Variants in YWHAE observed in about 807,000 individuals in gnomAD.
YWHAE encodes the protein tyrosine 3-monooxygenase/tryptophan 5-monooxygenase activation protein epsilon, also known as 14-3-3 protein epsilon.
In YWHAE, 4 loss-of-function variants were observed where a neutral mutation model predicts 30.1. The observed-to-expected ratio is 0.13, with a 90% CI of 0.07 to 0.30. The LOEUF (loss-of-function observed/expected upper bound fraction) is 0.30, where lower values mean the gene tolerates loss of function less well. Ranked by LOEUF, YWHAE falls within the 10% of genes least tolerant of loss-of-function variation. YWHAE has a pLI of 1.00. For missense variants in YWHAE, 121 were observed against 315.9 expected, an observed-to-expected ratio of 0.38 and a Z score of 4.68; for synonymous variants, 118 against 111.8, an observed-to-expected ratio of 1.06 and a Z score of -0.35.
chr17:1,372,981 G>A (rs1163350948), intron 1 of YWHAE, among the ~76,000 whole-genome samples: 2 of 151,782 alleles, frequency 1.3e-5, no homozygotes, highest in African/African-American at 4.8e-5. Context: ...GGTGGCTCAC[G>A]CAGTAATCCC....
intron 1 of YWHAE, among the ~76,000 whole-genome samples, chr17:1,368,071 T>G (rs969790050): frequency 6.6e-6 from 1 of 151,640 alleles, no homozygotes; most frequent in Non-Finnish European, 1.5e-5. Context: ...GCCAACATGG[T>G]GACACCCCGT....
intron 1 of YWHAE, among the ~76,000 whole-genome samples, chr17:1,368,432 C>T (rs62087939): frequency 0.048 from 7,319 of 151,710 alleles, 247 homozygotes; most frequent in Middle Eastern, 0.072. Flanking sequence ...GGCATGGTGG[C>T]AGGCATCTAT....
chr17:1,361,736 T>G (rs562264500), intron 3 of YWHAE, 166 bp downstream of exon 3: 3 of 538,420 alleles, frequency 5.6e-6, no homozygotes, highest in Non-Finnish European at 9.8e-6. Flanking sequence ...CAAAAGCTAA[T>G]ACATTTTCAT....
At chr17:1,388,608 T>C (rs2073343881) in intron 1 of YWHAE, among the ~76,000 whole-genome samples, 1 of 149,632 alleles carries the variant, frequency 6.7e-6, no homozygotes, top group Non-Finnish European at 1.5e-5. Context: ...AACGGAGTCT[T>C]GCAATGTTGC....
intron 5 of YWHAE, among the ~76,000 whole-genome samples, chr17:1,352,560 T>G (rs934699638): frequency 6.6e-6 from 1 of 151,840 alleles, no homozygotes; most frequent in African/African-American, 2.4e-5. Context: ...AGTCTTCCTC[T>G]GTAGCCCAGG....
intron 1 of YWHAE, among the ~76,000 whole-genome samples, chr17:1,390,981 TA>T (rs1172339266): frequency 6.6e-6 from 1 of 152,162 alleles, no homozygotes; most frequent in Non-Finnish European, 1.5e-5. Context: ...TTTATGTGGG[TA>T]TTTGGTATGA....
intron 5 of YWHAE, among the ~76,000 whole-genome samples, chr17:1,349,980 TTCTC>T (rs1178834377): frequency 1.3e-5 from 2 of 149,792 alleles, no homozygotes; most frequent in Non-Finnish European, 3.0e-5. Flanking sequence ...TGGACGAAGT[TTCTC>T]TCTTGTTGCC....
intron 1 of YWHAE, among the ~76,000 whole-genome samples, chr17:1,384,900 C>T (rs71360489): frequency 0.036 from 5,397 of 151,804 alleles, 114 homozygotes; most frequent in East Asian, 0.052. Flanking sequence ...TTAGTAGAGA[C>T]GGGTTTCTCC....
chr17:1,366,327 G>A (rs2072941276), intron 1 of YWHAE, among the ~76,000 whole-genome samples: 1 of 152,034 alleles, frequency 6.6e-6, no homozygotes, highest in African/African-American at 2.4e-5. Flanking sequence ...ATCATTTGAG[G>A]TCACGAATTC....
At chr17:1,387,924 C>CTTTT (rs35930155) in intron 1 of YWHAE, among the ~76,000 whole-genome samples, 806 of 75,694 alleles carry the variant, frequency 0.011, 45 homozygotes, top group Non-Finnish European at 0.014. Flanking sequence ...CTGCACCTGG[C>CTTTT]TTTTTTTTTT....
chr17:1,368,543 G>A (rs34695979), intron 1 of YWHAE, among the ~76,000 whole-genome samples: 13,887 of 139,756 alleles, frequency 0.099, 891 homozygotes, highest in Non-Finnish European at 0.14. Context: ...CAGCCTAGGC[G>A]ACAGAGTGAG....
intron 1 of YWHAE, 52 bp downstream of exon 1, chr17:1,399,995 G>T: frequency 1.2e-6 from 2 of 1,602,780 alleles, no homozygotes; most frequent in East Asian, 4.5e-5. Flanking sequence ...GCCTCTGTGG[G>T]CGGCGGCAGA....
In YWHAE at chr17:1,344,555, TAG is replaced by T. The variant is rs147204530; in HGVS notation, c.*890_*891del. ...GGCGCGATATTTGGCATTTTTAATT[TAG>T]GTTTGTTTTATTTAAGTTTAATGTT... is the stretch of plus-strand genomic sequence containing the variant. On this transcript the variant is annotated 3_prime_UTR_variant, in exon 6 of 6. Coordinates refer to ENST00000264335, the MANE Select transcript of YWHAE (RefSeq NM_006761.5). 0.05 allele frequency: 10,795 copies of T among 215,332 alleles called. 380 individuals carry two copies. Among genetic ancestry groups the T allele is most frequent in the Non-Finnish European group, 0.069 (7,324 of 106,336 alleles). 13.3% of individuals were successfully genotyped at this position (215,332 alleles called of 1,614,324 possible). A position where few individuals can be genotyped will look rare whatever the true frequency, so the allele number is the denominator to read the frequency against.
intron 2 of YWHAE, among the ~76,000 whole-genome samples, chr17:1,364,448 G>T (rs933668715): frequency 6.6e-6 from 1 of 151,958 alleles, no homozygotes; most frequent in South Asian, 2.1e-4. Context: ...GGATGGTCTC[G>T]ATCTCCTGAC....
intron 5 of YWHAE, 131 bp downstream of exon 5, chr17:1,354,080 C>T: frequency 1.6e-6 from 2 of 1,217,286 alleles, no homozygotes; most frequent in Non-Finnish European, 2.2e-6. Context: ...GCAGCAATTA[C>T]AATTTCATAG....
intron 1 of YWHAE, chr17:1,399,754 G>GC: frequency 1.6e-5 from 1 of 62,412 alleles, no homozygotes; most frequent in South Asian, 1.3e-4. Flanking sequence ...CCCCTCCCCC[G>GC]CCCCGGGACT....
chr17:1,383,451 A>C (rs574928003), intron 1 of YWHAE, among the ~76,000 whole-genome samples: 1 of 149,310 alleles, frequency 6.7e-6, no homozygotes, highest in East Asian at 2.0e-4. Flanking sequence ...GCAGTGGCAC[A>C]ATTTCAGCTC....
chr17:1,389,608 G>T, intron 1 of YWHAE, among the ~76,000 whole-genome samples: 1 of 149,742 alleles, frequency 6.7e-6, no homozygotes, highest in East Asian at 2.0e-4. Flanking sequence ...CTGGCTCACT[G>T]CAAGCTCCGC....
chr17:1,359,812 TTG>T (rs59650315), intron 4 of YWHAE, among the ~76,000 whole-genome samples: 7,025 of 130,574 alleles, frequency 0.054, 220 homozygotes, highest in African/African-American at 0.079. Context: ...CACTAAATTG[TTG>T]TGTGTGTGTG....
Sources: gnomAD v4.1 joint callset for allele counts (sites outside exome capture counted in the v4.1 genomes callset) on GRCh38, gnomAD v4.1.1 for gene constraint, MANE v1.5 for transcripts, NCBI Gene and HGNC (gene_info 2026-07-23, HGNC 2026-07-21) for gene names.